AFF2: variants seen among roughly 807,000 people sequenced by gnomAD.
AFF2 encodes ALF transcription elongation factor 2, also known as AF4/FMR2 family member 2.
A neutral mutation model predicts 76.9 loss-of-function variants in AFF2; 14 were observed. The ratio of observed to expected loss-of-function variants is 0.18; its 90% confidence interval spans 0.12 to 0.28. AFF2 has a LOEUF of 0.28. AFF2 is among the 10% of genes least tolerant of loss of function. The probability of loss-of-function intolerance (pLI) is 1.00; values close to 1 mark genes in which losing one functional copy is unlikely to be tolerated. For missense variants in AFF2, 868 were observed against 1,001.1 expected (o/e 0.87, Z 1.79); for synonymous variants, 398 against 366.7 (o/e 1.09, Z -0.98).
chrX:148,783,460 A>T (rs2069770823), intron 3 of AFF2, among the ~76,000 whole-genome samples: 1 of 112,112 alleles, frequency 8.9e-6, no homozygotes, highest in African/African-American at 3.2e-5. Flanking sequence ...ACAAGTGTTA[A>T]TCTCCTTTTC....
In AFF2 at chrX:148,916,196, C is replaced by CTTTTTTTT. The variant is rs782508166; in HGVS notation, c.1397+11962_1397+11969dup. On this transcript the variant is annotated intron_variant, in intron 9 of 20. Transcript: ENST00000370460. The stretch of plus-strand genomic sequence containing the variant: ...AATAGACTTTTGAATGTGGTTTTAA[C>CTTTTTTTT]TTTTTTTTTTTTTTTTTTTTTTTTT... Among the ~76,000 whole-genome samples, 142 of 34,033 alleles carry CTTTTTTTT rather than the reference C, an allele frequency of 4.2e-3. 10 individuals are homozygous for CTTTTTTTT. Among genetic ancestry groups the CTTTTTTTT allele is most frequent in the African/African-American group, 0.016 (132 of 8,050 alleles). The allele number at this position is 34,033 out of a possible 115,157, so 29.6% of individuals were successfully genotyped here.
chrX:148,728,599 T>G (rs1221081204), intron 3 of AFF2, among the ~76,000 whole-genome samples: 1 of 112,643 alleles, frequency 8.9e-6, no homozygotes, highest in Non-Finnish European at 1.9e-5. Flanking sequence ...CTAATTATTT[T>G]TTCCGATGAA....
intron 3 of AFF2, among the ~76,000 whole-genome samples, chrX:148,670,042 T>C (rs2054405142): frequency 8.9e-6 from 1 of 111,942 alleles, no homozygotes; most frequent in Non-Finnish European, 1.9e-5. Flanking sequence ...GTATTCAAAT[T>C]CATTTTCTTA....
chrX:148,574,333 G>C (rs1169997381), intron 1 of AFF2, among the ~76,000 whole-genome samples: 2 of 110,974 alleles, frequency 1.8e-5, no homozygotes, highest in East Asian at 5.7e-4. Flanking sequence ...GAAAAGTCGG[G>C]CCTTTGTGAA....
intron 2 of AFF2, among the ~76,000 whole-genome samples, chrX:148,654,971 T>C (rs1243820704): frequency 9.0e-6 from 1 of 111,575 alleles, no homozygotes; most frequent in Non-Finnish European, 1.9e-5. Context: ...TGGAGAACTC[T>C]TGATTTATTC....
chrX:148,589,529 T>G (rs2053502840), intron 1 of AFF2, among the ~76,000 whole-genome samples: 1 of 112,514 alleles, frequency 8.9e-6, no homozygotes, highest in Admixed American at 9.4e-5. Context: ...AGTTTTGAAA[T>G]ATGATTTTAA....
chrX:148,570,503 A>C (rs782102740), intron 1 of AFF2, among the ~76,000 whole-genome samples: 1 of 112,016 alleles, frequency 8.9e-6, no homozygotes, highest in African/African-American at 3.2e-5. Flanking sequence ...AGTGCTGCTT[A>C]CAACACTGAT....
At chrX:148,730,044 T>A (rs2055203048) in intron 3 of AFF2, among the ~76,000 whole-genome samples, 1 of 111,832 alleles carries the variant, frequency 8.9e-6, no homozygotes, top group Non-Finnish European at 1.9e-5. Flanking sequence ...TTCTAATACT[T>A]CTACTAATGT....
At chrX:148,592,505 T>G (rs965363185) in intron 1 of AFF2, among the ~76,000 whole-genome samples, 22 of 107,914 alleles carry the variant, frequency 2.0e-4, no homozygotes, top group African/African-American at 7.2e-4. Context: ...AAAAAAAAAG[T>G]ATATTTTTCA....
intron 3 of AFF2, among the ~76,000 whole-genome samples, chrX:148,751,986 C>T (rs1036186637): frequency 1.8e-5 from 2 of 111,550 alleles, no homozygotes; most frequent in Admixed American, 9.5e-5. Context: ...TATCTTCTTG[C>T]GGCAATCCTC....
intron 1 of AFF2, among the ~76,000 whole-genome samples, chrX:148,519,944 A>G (rs1202634454): frequency 8.9e-6 from 1 of 112,522 alleles, no homozygotes; most frequent in Admixed American, 9.4e-5. Context: ...AAAATAATTA[A>G]TGCTAGCTGC....
rs372607102 is a variant in AFF2, at chrX:148,669,655, G to C, written c.1041+6887G>C. Reference sequence around the variant, plus strand: ...CAGCACAGGAAAGACCTGCCCCCATGATTCAATTACATCCCACCAGATTCC... The same window carrying C: ...CAGCACAGGAAAGACCTGCCCCCATCATTCAATTACATCCCACCAGATTCC... On this transcript the variant is annotated intron_variant, in intron 3 of 20. Coordinates refer to ENST00000370460, the MANE Select transcript of AFF2 (RefSeq NM_002025.4). 7.2e-5 allele frequency among the ~76,000 whole-genome samples: 8 copies of C among 111,198 alleles called. No individual in the cohort carries two copies. The East Asian group carries it at 2.0e-3, about 28-fold the overall frequency.
chrX:148,503,306 A>C (rs2052373764), intron 1 of AFF2, among the ~76,000 whole-genome samples: 1 of 111,507 alleles, frequency 9.0e-6, no homozygotes, highest in Non-Finnish European at 1.9e-5. Flanking sequence ...TCTTGAGTGG[A>C]AATTGGTACC....
intron 9 of AFF2, among the ~76,000 whole-genome samples, chrX:148,923,338 A>C (rs1255899678): frequency 8.9e-6 from 1 of 111,860 alleles, no homozygotes; most frequent in Non-Finnish European, 1.9e-5. Context: ...CGTTTATCAG[A>C]CTTTGTAGAT....
intron 3 of AFF2, among the ~76,000 whole-genome samples, chrX:148,778,515 G>A (rs1039458036): frequency 9.0e-6 from 1 of 111,113 alleles, no homozygotes; most frequent in Non-Finnish European, 1.9e-5. Flanking sequence ...TTGGTTGGTA[G>A]TCTATTAATT....
At chrX:148,963,497 G>A (rs2072135648) in intron 13 of AFF2, among the ~76,000 whole-genome samples, 1 of 112,142 alleles carries the variant, frequency 8.9e-6, no homozygotes, top group African/African-American at 3.2e-5. Context: ...ATAAAATGAG[G>A]GGATTTGACT....
chrX:148,614,510 A>G (rs1054984981), intron 1 of AFF2, among the ~76,000 whole-genome samples: 15 of 110,823 alleles, frequency 1.4e-4, no homozygotes, highest in African/African-American at 4.6e-4. Flanking sequence ...AAGACCAACC[A>G]TCAGAGTCAG....
intron 9 of AFF2, among the ~76,000 whole-genome samples, chrX:148,953,273 C>A (rs935842465): frequency 8.9e-6 from 1 of 111,920 alleles, no homozygotes; most frequent in Non-Finnish European, 1.9e-5. Flanking sequence ...TATCTGCATC[C>A]AGAAGGCATG....
intron 3 of AFF2, among the ~76,000 whole-genome samples, chrX:148,766,274 C>T (rs2069515308): frequency 9.1e-6 from 1 of 109,470 alleles, no homozygotes; most frequent in South Asian, 4.1e-4. Flanking sequence ...CCTGAGGAAT[C>T]GCCACACTGA....
Sources: allele counts gnomAD v4.1 joint callset (sites outside exome capture counted in the v4.1 genomes callset), GRCh38; gene constraint gnomAD v4.1.1; transcripts MANE v1.5; gene names NCBI Gene and HGNC (gene_info 2026-07-23, HGNC 2026-07-21).